Variants in SEC16B observed in about 807,000 individuals in gnomAD.
SEC16B encodes the protein SEC16 homolog B, endoplasmic reticulum export factor, also known as protein transport protein Sec16B.
In SEC16B, 115 loss-of-function variants were observed where a neutral mutation model predicts 141.8. That is an observed-to-expected ratio of 0.81 (90% CI 0.70 to 0.95). The LOEUF is 0.95. Among genes scored for constraint, SEC16B ranks in the 40% least tolerant of loss-of-function variants. SEC16B has a pLI of 0.00. For missense variants in SEC16B, 1,291 were observed against 1,312.3 expected, an observed-to-expected ratio of 0.98 and a Z score of 0.25; for synonymous variants, 493 against 492.5, an observed-to-expected ratio of 1.00 and a Z score of -0.01.
chr1:177,942,407 G>A (rs1651348848), intron 15 of SEC16B, among the ~76,000 whole-genome samples: 1 of 152,172 alleles, frequency 6.6e-6, no homozygotes, highest in African/African-American at 2.4e-5. Flanking sequence ...AATAGCCCAG[G>A]TGTGCTGGCT....
At chr1:177,948,972 AAG>A (rs1467012168) in intron 12 of SEC16B, among the ~76,000 whole-genome samples, 5 of 151,220 alleles carry the variant, frequency 3.3e-5, no homozygotes, top group Non-Finnish European at 5.9e-5. Flanking sequence ...CAGCAGAGGA[AAG>A]AGGTGATTTG....
In SEC16B at chr1:177,928,904, A is replaced by G. The variant is rs1167418357; in HGVS notation, c.*954T>C. Reference sequence around the variant, plus strand: ...AAAAAAAATGTTCTTTGTGAGGAGCAATTTTCAGCAAATCTGACAAACAGC... The same window carrying G: ...AAAAAAAATGTTCTTTGTGAGGAGCGATTTTCAGCAAATCTGACAAACAGC... On this transcript the variant is annotated 3_prime_UTR_variant, in exon 26 of 26. Coordinates refer to ENST00000308284, the MANE Select transcript of SEC16B (RefSeq NM_033127.4). The G allele has an allele frequency of 6.6e-6, 1 of 152,242 alleles. No individual in the cohort carries two copies. The highest frequency in any genetic ancestry group is 1.5e-5 in the Non-Finnish European group (1 of 68,040). The allele number at this position is 152,242 out of a possible 1,614,324, so 9.4% of individuals were successfully genotyped here.
chr1:177,980,363 C>T (rs377200511), intron 1 of SEC16B, among the ~76,000 whole-genome samples: 25 of 151,988 alleles, frequency 1.6e-4, no homozygotes, highest in East Asian at 5.8e-4. Flanking sequence ...AAATAATAAA[C>T]GAAGACTTTC....
intron 4 of SEC16B, among the ~76,000 whole-genome samples, chr1:177,964,804 C>T (rs1653379524): frequency 6.6e-6 from 1 of 152,206 alleles, no homozygotes; most frequent in Non-Finnish European, 1.5e-5. Context: ...CCTCAAGGAA[C>T]CTCACAGGAC....
intron 21 of SEC16B, 55 bp from the exon 22 acceptor site, chr1:177,933,367 T>C: frequency 1.9e-6 from 3 of 1,558,774 alleles, no homozygotes; most frequent in Non-Finnish European, 2.6e-6. Context: ...TCCCCAACTA[T>C]GAGGTTAACC....
At chr1:177,967,601 A>G (rs536753940) in intron 2 of SEC16B, 82 bp downstream of exon 2, 1 of 1,367,902 alleles carries the variant, frequency 7.3e-7, no homozygotes, top group East Asian at 2.3e-5. Context: ...GAGAAAAATA[A>G]AAGGAAAAGG....
At chr1:177,946,798 C>T (rs533548566) in intron 13 of SEC16B, among the ~76,000 whole-genome samples, 12 of 152,114 alleles carry the variant, frequency 7.9e-5, no homozygotes, top group Non-Finnish European at 1.5e-4. Context: ...GGACTTTTTA[C>T]GAGGAATTCC....
intron 7 of SEC16B, 76 bp from the exon 8 acceptor site, chr1:177,960,479 A>T (rs1389200881): frequency 9.6e-7 from 1 of 1,036,842 alleles, no homozygotes; most frequent in Non-Finnish European, 1.5e-6. Context: ...CTAGTGTCAG[A>T]CCCCAAGGCC....
chr1:177,977,600 C>T (rs184469661), intron 1 of SEC16B, among the ~76,000 whole-genome samples: 5 of 152,174 alleles, frequency 3.3e-5, no homozygotes, highest in Admixed American at 6.5e-5. Flanking sequence ...ATGCATGATA[C>T]ACACAGTCAC....
Position 177,941,882 on chromosome 1 carries a change from A to G in SEC16B, c.2022+18T>C, listed in dbSNP as rs1557971998. On this transcript the variant is annotated intron_variant, in intron 16 of 25. Transcript: ENST00000308284. Reference sequence around the variant, plus strand: ...AGTGAAGATAAAACAACTGCACAGAACCCTTTGAGAGGCTCACCTTGATGA... The same window carrying G: ...AGTGAAGATAAAACAACTGCACAGAGCCCTTTGAGAGGCTCACCTTGATGA... 1.9e-6 allele frequency: 3 copies of G among 1,612,384 alleles called. No homozygotes were observed. In the Admixed American group the frequency reaches 5.0e-5, roughly 27 times the overall value.
rs1391276985 is a variant in SEC16B at position 177,937,273 on chromosome 1, ACTGCCACGCTG to A, written c.2433_2443del (p.Ser812AspfsTer33). The A allele has an allele frequency of 1.2e-6, 2 of 1,613,676 alleles. No homozygotes were observed. The highest frequency in any genetic ancestry group is 2.7e-5 in the African/African-American group (2 of 74,872). On this transcript the variant is annotated frameshift_variant, in exon 19 of 26. Coordinates refer to ENST00000308284, the MANE Select transcript of SEC16B (RefSeq NM_033127.4). LOFTEE classifies it high-confidence loss of function. ...GACTGTTCCTCCAGTGGCCTCTGTC[ACTGCCACGCTG>A]CTGCCAGTCCCTGGTAGATGGGTCT...
rs747796377 is a variant in SEC16B, at chr1:177,954,317, G to C, written c.1425C>G (p.Ser475Arg). 6.4e-7 allele frequency: 1 copy of C among 1,573,348 alleles called. No homozygotes were observed. The highest frequency in any genetic ancestry group is 1.2e-5 in the South Asian group (1 of 85,332). ...AGCTGTAGGTCTGTGGGTCCATCTT[G>C]CTGGACAGGAACAAAGCATGGCCCC... is the stretch of plus-strand genomic sequence containing the variant. Reference protein sequence around the residue: ...HLWGHALFLSSKMDPQTYSWV... With the variant: ...HLWGHALFLSRKMDPQTYSWV... The change falls in exon 11 of 26, where the codon AGC becomes AGG. Residue 475 changes from serine (S) to arginine (R), a missense_variant. Physicochemically the swap from Ser to Arg is moderately radical, Grantham distance 110. Around this residue, in one of 3 missense-constraint regions of SEC16B, gnomAD observed 681 missense variants for 675.5 expected, o/e 1.01. Coordinates refer to ENST00000308284, the MANE Select transcript of SEC16B (RefSeq NM_033127.4).
chr1:177,932,401 A>C, intron 24 of SEC16B, 89 bp downstream of exon 24: 1 of 963,112 alleles, frequency 1.0e-6, no homozygotes, highest in South Asian at 1.9e-5. Flanking sequence ...CAGGTTCGCC[A>C]GGAGTCAGCA....
In SEC16B at chr1:177,937,366, G is replaced by A. The variant is rs759724829; in HGVS notation, c.2351C>T (p.Pro784Leu). ...QPFPLQPGSY[P>L]AGGGAGQTGT... ...TGTCTGCCCTGCACCCCCTCCTGCT[G>A]GGTAGGAGCCCGGCTGGAGGGGAAA... Residue 784 changes from proline (P) to leucine (L), a missense_variant, in exon 19 of 26, where the codon CCA becomes CTA. This residue lies in a region of SEC16B where 605 missense variants were observed against 614.1 expected (regional missense o/e 0.99). Coordinates refer to ENST00000308284, the MANE Select transcript of SEC16B (RefSeq NM_033127.4). 6.2e-7 allele frequency: 1 copy of A among 1,613,374 alleles called. No homozygotes were observed. The highest frequency in any genetic ancestry group is 2.2e-5 in the East Asian group (1 of 44,854).
Position 177,930,636 on chromosome 1 carries a change from G to A in SEC16B, c.3020C>T (p.Ser1007Phe), listed in dbSNP as rs542193198. 5 of 1,612,778 alleles carry A rather than the reference G, an allele frequency of 3.1e-6. No individual in the cohort carries two copies. The East Asian group carries it at 8.9e-5, about 29-fold the overall frequency. The change falls in exon 25 of 26, where the codon TCC (serine) becomes TTC (phenylalanine). Residue 1007 changes from serine (S) to phenylalanine (F), a missense_variant. Ser to Phe is a radical substitution (Grantham distance 155). Transcript: ENST00000308284. ...VGGLSGPESV[S>F]FELCSNPGVL... Reference sequence around the variant, plus strand: ...ACCAGGGTTGGAGCAGAGCTCAAAGGAAACACTCTGTGATGGAAAAGCATG... The same window carrying A: ...ACCAGGGTTGGAGCAGAGCTCAAAGAAAACACTCTGTGATGGAAAAGCATG...
chr1:177,953,985 A>G (rs142496988), intron 11 of SEC16B, among the ~76,000 whole-genome samples: 23 of 152,314 alleles, frequency 1.5e-4, no homozygotes, highest in East Asian at 1.4e-3. Flanking sequence ...AACTAGCTGG[A>G]ACAGCCCCTC....
intron 3 of SEC16B, among the ~76,000 whole-genome samples, chr1:177,965,421 T>C (rs966947418): frequency 7.8e-5 from 6 of 77,400 alleles, no homozygotes; most frequent in African/African-American, 4.3e-4. Context: ...GTGTGTTCAA[T>C]GTTGAAACAG....
chr1:177,960,128 C>T (rs185927053), intron 8 of SEC16B: 2 of 562,782 alleles, frequency 3.6e-6, no homozygotes, highest in Admixed American at 3.2e-5. Flanking sequence ...AACTGTCATG[C>T]TAATTTTTCT....
In SEC16B at chr1:177,965,925, T is replaced by C. The variant is rs897504040; in HGVS notation, c.380A>G (p.His127Arg). 1.1e-5 allele frequency: 17 copies of C among 1,597,284 alleles called. No individual in the cohort carries two copies. Among genetic ancestry groups the C allele is most frequent in the Middle Eastern group, 1.7e-4 (1 of 6,060 alleles). ...EEYAYGSYYYHGHPQWLQEER... is the reference protein window; with the variant it reads ...EEYAYGSYYYRGHPQWLQEER... ...TTCCTGCAGCCACTGTGGGTGTCCATGATAGTAATAACTTCCATAAGCATA... is the reference window on the plus strand; with the variant it reads ...TTCCTGCAGCCACTGTGGGTGTCCACGATAGTAATAACTTCCATAAGCATA... Residue 127 changes from histidine (H) to arginine (R), a missense_variant, in exon 3 of 26, where the codon CAT becomes CGT. His to Arg is a conservative substitution (Grantham distance 29, BLOSUM62 0). Transcript: ENST00000308284.
Sources: gnomAD v4.1 joint callset for allele counts (sites outside exome capture counted in the v4.1 genomes callset) on GRCh38, gnomAD v4.1.1 for gene constraint, gnomAD v4.1.1 regional missense constraint, MANE v1.5 for transcripts, NCBI Gene and HGNC (gene_info 2026-07-23, HGNC 2026-07-21) for gene names.